Variants in PIP5K1B observed in about 807,000 individuals in gnomAD.
The protein encoded by PIP5K1B is phosphatidylinositol-4-phosphate 5-kinase type 1 beta, also known as phosphatidylinositol 4-phosphate 5-kinase type-1 beta.
Under a neutral mutation model 67.0 loss-of-function variants are expected in PIP5K1B, and 42 were observed. The ratio of observed to expected loss-of-function variants is 0.63; its 90% confidence interval spans 0.49 to 0.81. The LOEUF (loss-of-function observed/expected upper bound fraction) is 0.81. Among genes scored for constraint, PIP5K1B ranks in the 30% least tolerant of loss-of-function variants. PIP5K1B has a pLI of 0.00. For synonymous variants in PIP5K1B, 214 were observed against 231.4 expected (o/e 0.92, Z 0.68); for missense variants, 459 against 646.3 (o/e 0.71, Z 3.14).
At chr9:68,830,638 A>G (rs566595895) in intron 4 of PIP5K1B, among the ~76,000 whole-genome samples, 19 of 152,258 alleles carry the variant, frequency 1.2e-4, no homozygotes, top group South Asian at 1.0e-3. Flanking sequence ...AACGCGAACT[A>G]TAGGAAATCG....
chr9:68,801,486 G>A (rs1832601618), intron 2 of PIP5K1B, among the ~76,000 whole-genome samples: 1 of 152,182 alleles, frequency 6.6e-6, no homozygotes, highest in Admixed American at 6.5e-5. Context: ...GGGTGTTGAG[G>A]CACCCTGCCA....
chr9:68,729,281 A>G lies in PIP5K1B; in HGVS notation c.-242-13220A>G, dbSNP rs531863808. 1.7e-3 allele frequency among the ~76,000 whole-genome samples: 260 copies of G among 152,308 alleles called. 1 individual carries two copies. The highest frequency in any genetic ancestry group is 5.4e-3 in the African/African-American group (224 of 41,586). The stretch of plus-strand genomic sequence containing the variant: ...TTCATGTTCTTATAATATCCTTCTT[A>G]TAAGAACTTTTCAAATTCTTCTACT... On this transcript the variant is annotated intron_variant, in intron 1 of 15. Transcript: ENST00000265382.
intron 13 of PIP5K1B, among the ~76,000 whole-genome samples, chr9:68,939,641 C>G (rs751536808): frequency 2.0e-5 from 3 of 152,192 alleles, no homozygotes; most frequent in East Asian, 3.8e-4. Flanking sequence ...CAGAGCTCCA[C>G]CACCCCAGTG....
intron 15 of PIP5K1B, among the ~76,000 whole-genome samples, chr9:68,995,505 A>G (rs1014564010): frequency 2.0e-5 from 3 of 152,160 alleles, no homozygotes; most frequent in Admixed American, 1.3e-4. Flanking sequence ...TTGCATCTCC[A>G]TATGAAAAAG....
chr9:68,843,813 C>T (rs959060283), intron 4 of PIP5K1B, among the ~76,000 whole-genome samples: 2 of 152,202 alleles, frequency 1.3e-5, no homozygotes, highest in Non-Finnish European at 2.9e-5. Context: ...TGTTTCCAAG[C>T]AACCCTTCTT....
chr9:68,865,145 T>G (rs1363678143), intron 5 of PIP5K1B, among the ~76,000 whole-genome samples: 1 of 152,184 alleles, frequency 6.6e-6, no homozygotes, highest in Non-Finnish European at 1.5e-5. Flanking sequence ...TTTTGAAGTC[T>G]GCTTGTCTAG....
intron 2 of PIP5K1B, among the ~76,000 whole-genome samples, chr9:68,762,803 G>C (rs1315277857): frequency 6.6e-6 from 1 of 152,076 alleles, no homozygotes; most frequent in Non-Finnish European, 1.5e-5. Context: ...ACGTTTATGA[G>C]TGTATGGGAT....
At chr9:68,795,168 C>CAT (rs1564141754) in intron 2 of PIP5K1B, among the ~76,000 whole-genome samples, 1 of 150,382 alleles carries the variant, frequency 6.6e-6, no homozygotes, top group East Asian at 1.9e-4. Flanking sequence ...AGAGAGAGAG[C>CAT]GTGTGTGTGT....
At chr9:68,891,163 T>C (rs4745366) in intron 7 of PIP5K1B, among the ~76,000 whole-genome samples, 66,093 of 151,952 alleles carry the variant, frequency 0.43, 14,655 homozygotes, top group South Asian at 0.51. Flanking sequence ...AGTGGGAGGA[T>C]CACTTGAGCC....
At chr9:68,710,550 T>C (rs1827337703) in intron 1 of PIP5K1B, among the ~76,000 whole-genome samples, 1 of 152,178 alleles carries the variant, frequency 6.6e-6, no homozygotes, top group Admixed American at 6.5e-5. Context: ...TTCTCAATTG[T>C]ATTTACTTCT....
chr9:68,785,910 T>G (rs1235274832), intron 2 of PIP5K1B, among the ~76,000 whole-genome samples: 2 of 152,246 alleles, frequency 1.3e-5, no homozygotes, highest in Non-Finnish European at 2.9e-5. Flanking sequence ...CGATTGTTTC[T>G]GATGTTAGCC....
At chr9:68,788,916 A>C (rs1026734430) in intron 2 of PIP5K1B, 7 of 280,242 alleles carry the variant, frequency 2.5e-5, no homozygotes, top group Non-Finnish European at 4.2e-5. Context: ...ATCAAGAGGG[A>C]TGAAAGAAAG....
intron 1 of PIP5K1B, among the ~76,000 whole-genome samples, chr9:68,713,193 G>A (rs984507660): frequency 1.3e-5 from 2 of 152,204 alleles, no homozygotes; most frequent in African/African-American, 2.4e-5. Context: ...GAGGTCAGGG[G>A]TTTGAGACCA....
chr9:68,719,753 G>A (rs191067306), intron 1 of PIP5K1B, among the ~76,000 whole-genome samples: 2 of 152,188 alleles, frequency 1.3e-5, no homozygotes, highest in Non-Finnish European at 2.9e-5. Context: ...CTGTACAGTT[G>A]GGCTTCATTA....
intron 2 of PIP5K1B, among the ~76,000 whole-genome samples, chr9:68,815,544 T>A (rs1015131650): frequency 6.6e-6 from 1 of 152,044 alleles, no homozygotes; most frequent in Non-Finnish European, 1.5e-5. Flanking sequence ...TTTATGGCAA[T>A]AAAATTTGAA....
At chr9:69,006,073 T>C (rs1182590141) in intron 15 of PIP5K1B, among the ~76,000 whole-genome samples, 2 of 152,128 alleles carry the variant, frequency 1.3e-5, no homozygotes, top group Non-Finnish European at 2.9e-5. Context: ...TTTATTTTTG[T>C]AGAGACAGGG....
intron 5 of PIP5K1B, among the ~76,000 whole-genome samples, chr9:68,874,956 T>G (rs565077350): frequency 6.6e-6 from 1 of 152,308 alleles, no homozygotes; most frequent in African/African-American, 2.4e-5. Context: ...AATAAATTAT[T>G]ACATGCCATA....
In PIP5K1B at chr9:68,917,546, A is replaced by G; in HGVS notation, c.772-2A>G. On this transcript the variant is annotated splice_acceptor_variant, in intron 8 of 15. Coordinates refer to ENST00000265382, the MANE Select transcript of PIP5K1B (RefSeq NM_003558.4). LOFTEE classifies it high-confidence loss of function. ...GGCTTCCTGGTTCTTTTTCTCATTC[A>G]GGTGCTAGAAAGCTTCAAGATCATG... is the stretch of plus-strand genomic sequence containing the variant. 1 of 1,610,584 alleles carries G rather than the reference A, an allele frequency of 6.2e-7. No homozygotes were observed. Among genetic ancestry groups the G allele is most frequent in the Non-Finnish European group, 8.5e-7 (1 of 1,176,866 alleles).
intron 1 of PIP5K1B, among the ~76,000 whole-genome samples, chr9:68,724,297 T>C (rs1051364569): frequency 6.6e-6 from 1 of 151,956 alleles, no homozygotes; most frequent in Non-Finnish European, 1.5e-5. Flanking sequence ...ACTCTAGCTT[T>C]GTAGTATAAT....
Sources: allele counts gnomAD v4.1 joint callset (sites outside exome capture counted in the v4.1 genomes callset), GRCh38; gene constraint gnomAD v4.1.1; transcripts MANE v1.5; gene names NCBI Gene and HGNC (gene_info 2026-07-23, HGNC 2026-07-21).